The following SNCG variants were observed in gnomAD, a reference collection of about 807,000 sequenced individuals.
The protein encoded by SNCG is synuclein gamma, also known as gamma-synuclein.
A neutral mutation model predicts 16.0 loss-of-function variants in SNCG; 13 were observed. The ratio of observed to expected loss-of-function variants is 0.81; its 90% CI spans 0.53 to 1.29. SNCG has a LOEUF of 1.29. SNCG is among the 50% of genes most tolerant of loss of function. SNCG has a pLI of 0.00. For synonymous variants in SNCG, 66 were observed against 66.3 expected, an observed-to-expected ratio of 1.00 and a Z score of 0.02; for missense variants, 154 against 168.5, an observed-to-expected ratio of 0.91 and a Z score of 0.48.
At chr10:86,957,301 C>T (rs1844250649), upstream of SNCG, 2 of 1,497,766 alleles carry the variant, frequency 1.3e-6, no homozygotes, top group Non-Finnish European at 1.9e-6. Context: ...CCAGTGAGGT[C>T]TAGAGAGGCT....
In SNCG at chr10:86,959,349, AGGCCC is replaced by A. The variant is rs1358549919; in HGVS notation, c.122-279_122-275del. 2 of 555,294 alleles carry A rather than the reference AGGCCC, an allele frequency of 3.6e-6. No individual in the cohort carries two copies. Among genetic ancestry groups the A allele is most frequent in the Non-Finnish European group, 6.4e-6 (2 of 313,778 alleles). 34.4% of individuals were successfully genotyped at this position (555,294 alleles called of 1,614,324 possible). ...CCATCCTGTCCTGTTGCTGCTTCTG[AGGCCC>A]GGCCACACCCGGGCAGGGGCTGGAC... On this transcript the variant is annotated intron_variant, in intron 1 of 4. Coordinates refer to ENST00000372017, the MANE Select transcript of SNCG (RefSeq NM_003087.3). This position sits in a 1 kb window ranked among gnomAD's most constrained non-coding sequence, Gnocchi z 4.3.
chr10:86,958,587 G>C, upstream of SNCG: 1 of 1,381,044 alleles, frequency 7.2e-7, no homozygotes, highest in Non-Finnish European at 9.6e-7. Flanking sequence ...GGCGTCAATA[G>C]GAGGCATCGG....
rs1844284211 is a variant in SNCG at position 86,958,823 on chromosome 10, G to A, written c.121+5G>A. The A allele has an allele frequency of 1.2e-6, 2 of 1,601,568 alleles. No homozygotes were observed. Among genetic ancestry groups the A allele is most frequent in the Admixed American group, 1.7e-5 (1 of 59,324 alleles). ...AGGAGGGGGTCATGTATGTGGGTAA[G>A]TGGGGCATGGCAGGGTGGGACAGTG... On this transcript the variant is annotated splice_donor_5th_base_variant and intron_variant, in intron 1 of 4. Transcript: ENST00000372017.
chr10:86,961,873 C>A (rs1818215019), intron 3 of SNCG, among the ~76,000 whole-genome samples: 2 of 152,266 alleles, frequency 1.3e-5, no homozygotes, highest in Non-Finnish European at 2.9e-5. Context: ...CGCCTCCCCC[C>A]CGTCCCCCGC....
chr10:86,958,504 C>CAAA, upstream of SNCG: 2 of 1,188,670 alleles, frequency 1.7e-6, no homozygotes, highest in Non-Finnish European at 2.1e-6. Flanking sequence ...CCTTCCCTCC[C>CAAA]TCCCTCCCTC....
chr10:86,960,673 G>A (rs1028653015), intron 3 of SNCG, among the ~76,000 whole-genome samples: 1 of 152,180 alleles, frequency 6.6e-6, no homozygotes, highest in African/African-American at 2.4e-5. Context: ...CACGTGTGTT[G>A]AGTGAGCATG....
In SNCG at chr10:86,959,508, C is replaced by A; in HGVS notation, c.122-125C>A. 1 of 774,602 alleles carries A rather than the reference C, an allele frequency of 1.3e-6. No individual in the cohort carries two copies. Among genetic ancestry groups the A allele is most frequent in the East Asian group, 2.7e-5 (1 of 37,646 alleles). The allele number at this position is 774,602 out of a possible 1,614,324, so 48.0% of individuals were successfully genotyped here. ...AGAGGCCCTCTGAAGGGGCCGCCGG[C>A]CCCCAGACACCATCCTTACCCCCCC... On this transcript the variant is annotated intron_variant, in intron 1 of 4. Transcript: ENST00000372017. This position sits in a 1 kb window ranked among gnomAD's most constrained non-coding sequence, Gnocchi z 4.3.
chr10:86,959,582 C>A lies in SNCG; in HGVS notation c.122-51C>A. The stretch of plus-strand genomic sequence containing the variant: ...TGTTCTGTTGTGTTTGTCCTGACCG[C>A]CCCCAACACCTCGAGGGAGGTCTGG... On this transcript the variant is annotated intron_variant, in intron 1 of 4. Transcript: ENST00000372017. The surrounding 1 kb of genome is among the most constrained non-coding windows in gnomAD (Gnocchi z 4.3). The A allele has an allele frequency of 1.9e-6, 3 of 1,570,974 alleles. No homozygotes were observed. The highest frequency in any genetic ancestry group is 2.6e-6 in the Non-Finnish European group (3 of 1,141,126).
upstream of SNCG, chr10:86,957,720 G>T: frequency 7.5e-7 from 1 of 1,338,244 alleles, no homozygotes; most frequent in Non-Finnish European, 9.8e-7. Context: ...AACTACCCTG[G>T]CTGGCCCCAC....
chr10:86,959,389 A>C lies in SNCG; in HGVS notation c.122-244A>C. On this transcript the variant is annotated intron_variant, in intron 1 of 4. Transcript: ENST00000372017. The surrounding 1 kb of genome is among the most constrained non-coding windows in gnomAD (Gnocchi z 4.3). ...CGGGCAGGGGCTGGACCCTGGGTCT[A>C]GCCAGTGTCCCTACCTCAGGCCTGC... The C allele has an allele frequency of 1.7e-6, 1 of 581,892 alleles. No homozygotes were observed. The highest frequency in any genetic ancestry group is 3.0e-6 in the Non-Finnish European group (1 of 328,018). The allele number at this position is 581,892 out of a possible 1,614,324, so 36.0% of individuals were successfully genotyped here.
intron 1 of SNCG, 32 bp downstream of exon 1, chr10:86,958,850 G>A (rs750382106): frequency 1.2e-5 from 19 of 1,575,342 alleles, no homozygotes; most frequent in South Asian, 8.4e-5. Context: ...GGGACAGTGT[G>A]GTGGCCAAAG....
chr10:86,957,173 C>T (rs1438514713), upstream of SNCG, among the ~76,000 whole-genome samples: 1 of 152,234 alleles, frequency 6.6e-6, no homozygotes, highest in African/African-American at 2.4e-5. Flanking sequence ...GCCATGGCTC[C>T]GACAGGGAAC....
chr10:86,962,946 A>G lies in SNCG; in HGVS notation c.364-19A>G, dbSNP rs926101112. ...GGCTGGGGCCTGGAGCTGGGTGTGC[A>G]GGTCATTCTCTCTCCCAGGCCCAGA... is the stretch of plus-strand genomic sequence containing the variant. On this transcript the variant is annotated intron_variant, in intron 4 of 4. Coordinates refer to ENST00000372017, the MANE Select transcript of SNCG (RefSeq NM_003087.3). 1.0e-5 allele frequency: 16 copies of G among 1,599,150 alleles called. No homozygotes were observed. The highest frequency in any genetic ancestry group is 1.3e-5 in the African/African-American group (1 of 74,918).
At chr10:86,957,748 C>T, upstream of SNCG, 1 of 1,368,806 alleles carries the variant, frequency 7.3e-7, no homozygotes. Flanking sequence ...GCCAACCACA[C>T]AAGCCAGTTC....
At chr10:86,958,498 C>CCCAA, upstream of SNCG, 3 of 595,038 alleles carry the variant, frequency 5.0e-6, no homozygotes, top group Non-Finnish European at 7.3e-6. Flanking sequence ...GAACCTCCTT[C>CCCAA]CCTCCCTCCC....
rs2133698890 is a variant in SNCG at position 86,962,994 on chromosome 10, A to G, written c.*9A>G. 6.2e-7 allele frequency: 1 copy of G among 1,602,770 alleles called. No individual in the cohort carries two copies. Among genetic ancestry groups the G allele is most frequent in the East Asian group, 2.2e-5 (1 of 44,528 alleles). The stretch of plus-strand genomic sequence containing the variant: ...AGAGTGGGGGAGACTAGAGGGCTAC[A>G]GGCCAGCGTGGATGACCTGAAGAGC... On this transcript the variant is annotated 3_prime_UTR_variant, in exon 5 of 5. Coordinates refer to ENST00000372017, the MANE Select transcript of SNCG (RefSeq NM_003087.3).
Position 86,959,377 on chromosome 10 carries a change from G to A in SNCG, c.122-256G>A. On this transcript the variant is annotated intron_variant, in intron 1 of 4. Coordinates refer to ENST00000372017, the MANE Select transcript of SNCG (RefSeq NM_003087.3). The surrounding 1 kb of genome is among the most constrained non-coding windows in gnomAD (Gnocchi z 4.3). ...CCCGGCCACACCCGGGCAGGGGCTGGACCCTGGGTCTAGCCAGTGTCCCTA... is the reference window on the plus strand; with the variant it reads ...CCCGGCCACACCCGGGCAGGGGCTGAACCCTGGGTCTAGCCAGTGTCCCTA... 1 of 575,528 alleles carries A rather than the reference G, an allele frequency of 1.7e-6. No individual in the cohort carries two copies. Among genetic ancestry groups the A allele is most frequent in the South Asian group, 2.1e-5 (1 of 47,798 alleles). 35.7% of individuals were successfully genotyped at this position (575,528 alleles called of 1,614,324 possible). A position where few individuals can be genotyped will look rare whatever the true frequency, so the allele number is the denominator to read the frequency against.
upstream of SNCG, chr10:86,958,169 C>G: frequency 1.0e-6 from 1 of 982,890 alleles, no homozygotes; most frequent in Non-Finnish European, 1.2e-6. Flanking sequence ...GCCCAGGCCG[C>G]GGGAGGTTGG....
chr10:86,959,387 C>A lies in SNCG; in HGVS notation c.122-246C>A. The A allele has an allele frequency of 1.7e-6, 1 of 583,992 alleles. No homozygotes were observed. Among genetic ancestry groups the A allele is most frequent in the Non-Finnish European group, 3.0e-6 (1 of 329,386 alleles). 36.2% of individuals were successfully genotyped at this position (583,992 alleles called of 1,614,324 possible). ...CCCGGGCAGGGGCTGGACCCTGGGT[C>A]TAGCCAGTGTCCCTACCTCAGGCCT... On this transcript the variant is annotated intron_variant, in intron 1 of 4. Coordinates refer to ENST00000372017, the MANE Select transcript of SNCG (RefSeq NM_003087.3). The surrounding 1 kb of genome is among the most constrained non-coding windows in gnomAD (Gnocchi z 4.3).
Sources: allele counts gnomAD v4.1 joint callset (sites outside exome capture counted in the v4.1 genomes callset), GRCh38; gene constraint gnomAD v4.1.1; non-coding constraint Gnocchi (gnomAD v3.1); transcripts MANE v1.5; gene names NCBI Gene and HGNC (gene_info 2026-07-23, HGNC 2026-07-21).